The following PDE4D variants were observed in gnomAD, a reference collection of about 807,000 sequenced individuals.
PDE4D encodes phosphodiesterase 4D.
PDE4D carries 24 observed loss-of-function variants against 87.4 expected under a neutral mutation model. The ratio of observed to expected loss-of-function variants is 0.27; its 90% confidence interval spans 0.20 to 0.39. The LOEUF is 0.39. Among genes scored for constraint, PDE4D ranks in the 10% least tolerant of loss-of-function variants. PDE4D has a pLI of 1.00. For missense variants in PDE4D, 714 were observed against 1,041.0 expected (o/e 0.69, Z 4.32); for synonymous variants, 384 against 383.2 (o/e 1.00, Z -0.02).
At chr5:60,316,838 A>T (rs1304839564) in intron 1 of PDE4D, among the ~76,000 whole-genome samples, 1 of 152,176 alleles carries the variant, frequency 6.6e-6, no homozygotes, top group Admixed American at 6.5e-5. Context: ...GGGATGAAGC[A>T]GACTTGATCA....
chr5:59,954,475 C>T (rs1196561570), intron 3 of PDE4D, among the ~76,000 whole-genome samples: 1 of 151,828 alleles, frequency 6.6e-6, no homozygotes, highest in Non-Finnish European at 1.5e-5. Context: ...AGTGTGTTTA[C>T]ATGGAAGATT....
intron 3 of PDE4D, among the ~76,000 whole-genome samples, chr5:59,933,267 G>A (rs780394894): frequency 2.0e-5 from 3 of 152,176 alleles, no homozygotes; most frequent in Non-Finnish European, 4.4e-5. Context: ...CTAAACTAAT[G>A]TGTCATTTAC....
intron 2 of PDE4D, among the ~76,000 whole-genome samples, chr5:60,185,134 T>C (rs1348752699): frequency 6.6e-6 from 1 of 152,152 alleles, no homozygotes; most frequent in Non-Finnish European, 1.5e-5. Flanking sequence ...AGAAAGCTCA[T>C]AGAAGGGAAG....
At chr5:60,219,374 T>A (rs1473246912) in intron 1 of PDE4D, among the ~76,000 whole-genome samples, 1 of 152,150 alleles carries the variant, frequency 6.6e-6, no homozygotes, top group African/African-American at 2.4e-5. Flanking sequence ...ACTGACATAA[T>A]CTAGTAGCTC....
chr5:59,549,151 C>T (rs1426943782), intron 1 of PDE4D, among the ~76,000 whole-genome samples: 1 of 152,118 alleles, frequency 6.6e-6, no homozygotes, highest in Non-Finnish European at 1.5e-5. Context: ...AATATGTTCC[C>T]TCTTGGAAGT....
chr5:60,197,699 T>C (rs1290242114), intron 1 of PDE4D, among the ~76,000 whole-genome samples: 1 of 151,572 alleles, frequency 6.6e-6, no homozygotes, highest in Non-Finnish European at 1.5e-5. Context: ...CAAGGAGTCA[T>C]TGCCGGCAGA....
At chr5:60,107,406 C>T (rs961613123) in intron 2 of PDE4D, among the ~76,000 whole-genome samples, 5 of 152,152 alleles carry the variant, frequency 3.3e-5, no homozygotes, top group African/African-American at 1.2e-4. Flanking sequence ...CAGATGGATT[C>T]ACAGCCGAAT....
At chr5:60,429,352 C>T (rs1373211623) in intron 1 of PDE4D, among the ~76,000 whole-genome samples, 1 of 152,134 alleles carries the variant, frequency 6.6e-6, no homozygotes, top group Admixed American at 6.5e-5. Flanking sequence ...TATCCAGAAA[C>T]TTTGCTGAAG....
chr5:59,103,215 A>G (rs1419772260), intron 5 of PDE4D, among the ~76,000 whole-genome samples: 1 of 152,208 alleles, frequency 6.6e-6, no homozygotes, highest in African/African-American at 2.4e-5. Context: ...GAGAAAATCA[A>G]TTCTGAACCT....
intron 1 of PDE4D, among the ~76,000 whole-genome samples, chr5:59,248,562 T>C (rs1246215018): frequency 1.3e-5 from 2 of 152,112 alleles, no homozygotes; most frequent in African/African-American, 2.4e-5. Flanking sequence ...AGTTAGCAAA[T>C]GGCTACAAGC....
At chr5:58,990,637 C>T (rs1388821618) in intron 9 of PDE4D, among the ~76,000 whole-genome samples, 167 bp downstream of exon 9, 7 of 152,168 alleles carry the variant, frequency 4.6e-5, no homozygotes, top group Non-Finnish European at 8.8e-5. Flanking sequence ...CCACACTCCA[C>T]CTTTCTGTAT....
At chr5:59,301,042 G>T (rs1770138503) in intron 1 of PDE4D, among the ~76,000 whole-genome samples, 1 of 152,140 alleles carries the variant, frequency 6.6e-6, no homozygotes. Context: ...TTACCTGGCT[G>T]TGCCAACCTC....
At chr5:60,035,726 T>A (rs1767722755) in intron 2 of PDE4D, among the ~76,000 whole-genome samples, 1 of 152,166 alleles carries the variant, frequency 6.6e-6, no homozygotes, top group Admixed American at 6.5e-5. Context: ...CAACATTATA[T>A]CAAATGACCA....
chr5:59,661,141 T>C (rs1055434190), intron 1 of PDE4D, among the ~76,000 whole-genome samples: 4 of 150,502 alleles, frequency 2.7e-5, no homozygotes, highest in African/African-American at 7.3e-5. Context: ...AGATTTAACA[T>C]ACTTTACTTT....
At chr5:59,605,585 T>C (rs898701764) in intron 1 of PDE4D, among the ~76,000 whole-genome samples, 2 of 152,036 alleles carry the variant, frequency 1.3e-5, no homozygotes, top group African/African-American at 4.8e-5. Context: ...ATCCCAGGAG[T>C]ACCAACATTC....
In PDE4D at chr5:59,332,382, C is replaced by T. The variant is rs114206238; in HGVS notation, c.456-116414G>A. Among the ~76,000 whole-genome samples, 267 of 152,140 alleles carry T rather than the reference C, an allele frequency of 1.8e-3. 2 individuals are homozygous for T. The highest frequency in any genetic ancestry group is 2.3e-3 in the Non-Finnish European group (155 of 67,988). On this transcript the variant is annotated intron_variant, in intron 1 of 14. Coordinates refer to ENST00000340635, the MANE Select transcript of PDE4D (RefSeq NM_001104631.2). ...TTTATCCACATTATGAGATGGAAAG[C>T]CCTGGGGTCCATTATGAGTGACATG...
chr5:59,634,951 T>C (rs1051385960), intron 1 of PDE4D, among the ~76,000 whole-genome samples: 7 of 152,130 alleles, frequency 4.6e-5, no homozygotes, highest in Non-Finnish European at 1.0e-4. Flanking sequence ...ATCCAGGAGC[T>C]GGTTTTTTGA....
At chr5:60,316,310 G>T (rs1236421145) in intron 1 of PDE4D, among the ~76,000 whole-genome samples, 1 of 152,146 alleles carries the variant, frequency 6.6e-6, no homozygotes, top group Non-Finnish European at 1.5e-5. Flanking sequence ...GTATAAGAAT[G>T]CTTGTGATTT....
intron 1 of PDE4D, among the ~76,000 whole-genome samples, chr5:59,415,047 G>C (rs968101154): frequency 6.6e-6 from 1 of 152,192 alleles, no homozygotes; most frequent in Non-Finnish European, 1.5e-5. Context: ...CTAGAGTCTG[G>C]AGACTGAGGC....
Sources: allele counts gnomAD v4.1 joint callset (sites outside exome capture counted in the v4.1 genomes callset), GRCh38; gene constraint gnomAD v4.1.1; transcripts MANE v1.5; gene names NCBI Gene and HGNC (gene_info 2026-07-23, HGNC 2026-07-21).